IL10RB: variants seen among roughly 807,000 people sequenced by gnomAD.
IL10RB encodes interleukin-10 receptor subunit beta.
Under a neutral mutation model 38.7 loss-of-function variants are expected in IL10RB, and 30 were observed. That is an observed-to-expected ratio of 0.78 (90% confidence interval 0.58 to 1.05). The LOEUF (loss-of-function observed/expected upper bound fraction) is 1.05, where lower values mean the gene tolerates loss of function less well. Ranked by LOEUF, IL10RB falls within the 50% of genes least tolerant of loss-of-function variation. The pLI, the probability that IL10RB is intolerant of heterozygous loss-of-function variation, is 0.00. For missense variants in IL10RB, 328 were observed against 397.1 expected (o/e 0.83, Z 1.48); for synonymous variants, 142 against 145.9 (o/e 0.97, Z 0.19).
At chr21:33,295,253 G>A (rs2082959679) in intron 6 of IL10RB, among the ~76,000 whole-genome samples, 1 of 151,662 alleles carries the variant, frequency 6.6e-6, no homozygotes, top group African/African-American at 2.4e-5. Context: ...AGCTACTCGG[G>A]AGGCTGAGGC....
In IL10RB at chr21:33,296,501, C is replaced by T. The variant is rs770520463; in HGVS notation, c.*144C>T. The T allele has an allele frequency of 8.5e-5, 67 of 788,658 alleles. 1 individual carries two copies. Among genetic ancestry groups the T allele is most frequent in the East Asian group, 2.7e-5 (1 of 37,672 alleles). The allele number at this position is 788,658 out of a possible 1,614,324, so 48.9% of individuals were successfully genotyped here. On this transcript the variant is annotated 3_prime_UTR_variant, in exon 7 of 7. Transcript: ENST00000290200. ...AGAACTCCCAGACCCTGGACTTAGC[C>T]ACCAGAGAGCTACATTTTAAAGGCT... is the stretch of plus-strand genomic sequence containing the variant.
chr21:33,303,278 T>A (rs1223502567), intron 1 of IL10RB, among the ~76,000 whole-genome samples: 1 of 151,790 alleles, frequency 6.6e-6, no homozygotes, highest in Non-Finnish European at 1.5e-5. Context: ...TGACTGGAGC[T>A]CTGTTGCGGG....
chr21:33,275,790 G>A lies in IL10RB; in HGVS notation c.174-806G>A, dbSNP rs28741378. Among the ~76,000 whole-genome samples the A allele has an allele frequency of 4.6e-3, 708 of 152,338 alleles. 2 individuals carry two copies. Among genetic ancestry groups the A allele is most frequent in the African/African-American group, 0.014 (563 of 41,556 alleles). The stretch of plus-strand genomic sequence containing the variant: ...TGCAGCTTTTGGAATAGGGATGCCC[G>A]AGGAGAAGGAGAGAGGCAGGAGAGT... On this transcript the variant is annotated intron_variant, in intron 2 of 6. Transcript: ENST00000290200.
In IL10RB at chr21:33,296,536, A is replaced by G; in HGVS notation, c.*179A>G. On this transcript the variant is annotated 3_prime_UTR_variant, in exon 7 of 7. Transcript: ENST00000290200. ...CTACATTTTAAAGGCTGTCTTGGCA[A>G]AAATACTCCATTTGGGAACTCACTG... The G allele has an allele frequency of 1.4e-6, 1 of 714,400 alleles. No homozygotes were observed. The highest frequency in any genetic ancestry group is 1.5e-5 in the South Asian group (1 of 67,204). The allele number at this position is 714,400 out of a possible 1,614,324, so 44.3% of individuals were successfully genotyped here. A position where few individuals can be genotyped will look rare whatever the true frequency, so the allele number is the denominator to read the frequency against.
chr21:33,300,177 C>G (rs559022091), downstream of IL10RB, among the ~76,000 whole-genome samples: 1 of 152,296 alleles, frequency 6.6e-6, no homozygotes, highest in South Asian at 2.1e-4. Context: ...CGGTGGCTCA[C>G]CCCTGTAATC....
chr21:33,267,006 C>G (rs1430949881), intron 1 of IL10RB, among the ~76,000 whole-genome samples: 1 of 152,134 alleles, frequency 6.6e-6, no homozygotes, highest in Non-Finnish European at 1.5e-5. Context: ...GCTGCACCTC[C>G]CCTCCTTCCG....
intron 4 of IL10RB, among the ~76,000 whole-genome samples, chr21:33,281,314 C>T (rs1217036012): frequency 6.6e-6 from 1 of 152,208 alleles, no homozygotes; most frequent in Non-Finnish European, 1.5e-5. Flanking sequence ...GATTGCTCCC[C>T]TCCGGGAGCT....
At chr21:33,266,595 C>T (rs1988950073) in intron 1 of IL10RB, 81 bp downstream of exon 1, 9 of 1,408,596 alleles carry the variant, frequency 6.4e-6, no homozygotes, top group Non-Finnish European at 8.7e-6. Context: ...TCCCTGGGCG[C>T]CCTGCAAGTG....
At chr21:33,288,321 C>A (rs1162017019) in intron 6 of IL10RB, 60 bp downstream of exon 6, 1 of 1,460,576 alleles carries the variant, frequency 6.8e-7, no homozygotes. Flanking sequence ...GCTTTCCTTT[C>A]TAGTTAGGGC....
chr21:33,268,225 A>T, intron 1 of IL10RB, 169 bp from the exon 2 acceptor site: 3 of 1,524,944 alleles, frequency 2.0e-6, no homozygotes, highest in Non-Finnish European at 2.6e-6. Context: ...ACGGCTGTTC[A>T]AAGAAAATCT....
At chr21:33,300,291 A>C (rs1028783513), downstream of IL10RB, among the ~76,000 whole-genome samples, 2 of 152,114 alleles carry the variant, frequency 1.3e-5, no homozygotes, top group African/African-American at 4.8e-5. Context: ...AATACAAAAA[A>C]TTAGCCAGGC....
At chr21:33,278,276 A>G (rs1460658888) in intron 3 of IL10RB, among the ~76,000 whole-genome samples, 3 of 151,678 alleles carry the variant, frequency 2.0e-5, no homozygotes, top group Non-Finnish European at 4.4e-5. Context: ...CCTGCTCTGG[A>G]CCCCCATGAC....
At position 33,276,623 on chromosome 21, in the gene IL10RB, G is replaced by C. The variant is rs1989176371; in HGVS notation, c.201G>C (p.Met67Ile). 2 of 1,613,136 alleles carry C rather than the reference G, an allele frequency of 1.2e-6. No homozygotes were observed. The highest frequency in any genetic ancestry group is 1.7e-6 in the Non-Finnish European group (2 of 1,179,250). The change falls in exon 3 of 7, where the codon ATG becomes ATC. Residue 67 changes from methionine to isoleucine, a missense_variant. Transcript: ENST00000290200. ...ATAGGATATTCCAAGATAAATGCAT[G>C]AATACTACCTTGACGGAATGTGATT... is the stretch of plus-strand genomic sequence containing the variant. ...LSYRIFQDKC[M>I]NTTLTECDFS... is the part of the protein sequence containing the mutation.
chr21:33,296,510 GC>G lies in IL10RB; in HGVS notation c.*154del. 1.3e-6 allele frequency: 1 copy of G among 773,020 alleles called. No individual in the cohort carries two copies. The highest frequency in any genetic ancestry group is 1.5e-5 in the South Asian group (1 of 68,828). The allele number at this position is 773,020 out of a possible 1,614,324, so 47.9% of individuals were successfully genotyped here. On this transcript the variant is annotated 3_prime_UTR_variant, in exon 7 of 7. Transcript: ENST00000290200. ...AGACCCTGGACTTAGCCACCAGAGA[GC>G]TACATTTTAAAGGCTGTCTTGGCAA...
chr21:33,295,233 C>G (rs1302828331), intron 6 of IL10RB, among the ~76,000 whole-genome samples: 4 of 151,892 alleles, frequency 2.6e-5, no homozygotes, highest in Non-Finnish European at 1.5e-5. Flanking sequence ...TGGTGGGCGC[C>G]TATAGTCCCA....
chr21:33,291,196 A>G (rs1380927331), intron 6 of IL10RB, among the ~76,000 whole-genome samples: 1 of 151,898 alleles, frequency 6.6e-6, no homozygotes, highest in African/African-American at 2.4e-5. Context: ...TTCTAACTTA[A>G]CTGATCCCCT....
At chr21:33,293,761 C>A (rs549914193) in intron 6 of IL10RB, among the ~76,000 whole-genome samples, 17 of 150,892 alleles carry the variant, frequency 1.1e-4, no homozygotes, top group Non-Finnish European at 2.2e-4. Context: ...GAGCAGAGAT[C>A]GCGCCACCGC....
downstream of IL10RB, among the ~76,000 whole-genome samples, chr21:33,297,792 T>C (rs1465575140): frequency 6.6e-6 from 1 of 151,010 alleles, no homozygotes; most frequent in Non-Finnish European, 1.5e-5. Flanking sequence ...CGGCCCTGCC[T>C]GGGTGATGGA....
At position 33,288,172 on chromosome 21, in the gene IL10RB, C is replaced by T; in HGVS notation, c.715C>T (p.Leu239Phe). 6.2e-7 allele frequency: 1 copy of T among 1,614,100 alleles called. No individual in the cohort carries two copies. The highest frequency in any genetic ancestry group is 8.5e-7 in the Non-Finnish European group (1 of 1,179,968). Residue 239 changes from leucine (L) to phenylalanine (F), a missense_variant, in exon 6 of 7, where the codon CTC becomes TTC. By Grantham distance (22) the Leu-to-Phe change is conservative (BLOSUM62 0). Coordinates refer to ENST00000290200, the MANE Select transcript of IL10RB (RefSeq NM_000628.5). ...GGTCTTCATGGTCTGCCTGGCACTCCTCGGCTGCTTCGCCTTGCTGTGGTG... is the reference window on the plus strand; with the variant it reads ...GGTCTTCATGGTCTGCCTGGCACTCTTCGGCTGCTTCGCCTTGCTGTGGTG... ...ASVFMVCLALLGCFALLWCVY... is the reference protein window; with the variant it reads ...ASVFMVCLALFGCFALLWCVY...
Sources: gnomAD v4.1 joint callset for allele counts (sites outside exome capture counted in the v4.1 genomes callset) on GRCh38, gnomAD v4.1.1 for gene constraint, MANE v1.5 for transcripts, NCBI Gene and HGNC (gene_info 2026-07-23, HGNC 2026-07-21) for gene names.